Variants in FLOT2 observed in about 807,000 individuals in gnomAD.
FLOT2 encodes the protein flotillin-2.
In FLOT2, 35 loss-of-function variants were observed where a neutral mutation model predicts 54.9. The observed-to-expected ratio is 0.64, with a 90% CI of 0.49 to 0.84. The LOEUF (loss-of-function observed/expected upper bound fraction) is 0.84, where lower values mean the gene tolerates loss of function less well. FLOT2 is among the 40% of genes least tolerant of loss of function. The pLI is 0.00. For synonymous variants in FLOT2, 207 were observed against 228.9 expected, an observed-to-expected ratio of 0.90 and a Z score of 0.86; for missense variants, 464 against 572.1, an observed-to-expected ratio of 0.81 and a Z score of 1.93.
At chr17:28,891,827 G>A (rs1442005576) in intron 1 of FLOT2, among the ~76,000 whole-genome samples, 1 of 152,158 alleles carries the variant, frequency 6.6e-6, no homozygotes, top group Non-Finnish European at 1.5e-5. Context: ...GGTGGGTGGA[G>A]GCAAAGAAAT....
intron 1 of FLOT2, among the ~76,000 whole-genome samples, chr17:28,890,524 C>T (rs1454781108): frequency 2.0e-5 from 3 of 152,004 alleles, no homozygotes; most frequent in Admixed American, 6.6e-5. Flanking sequence ...ATAGCTGGGA[C>T]TACAGGTGCC....
rs1291829854 is a variant in FLOT2 at position 28,881,505 on chromosome 17, G to C, written c.915-130C>G. ...GGGGTGGGAGACATTGGAACGGAGT[G>C]GGGTGGCCTGACCTTCCGGCTCTGG... On this transcript the variant is annotated intron_variant, in intron 8 of 10. Coordinates refer to ENST00000394908, the MANE Select transcript of FLOT2 (RefSeq NM_004475.3). The C allele has an allele frequency of 1.7e-5, 17 of 990,474 alleles. No homozygotes were observed. The East Asian group carries it at 4.2e-4, about 25-fold the overall frequency. The allele number at this position is 990,474 out of a possible 1,614,324, so 61.4% of individuals were successfully genotyped here. A position where few individuals can be genotyped will look rare whatever the true frequency, so the allele number is the denominator to read the frequency against.
At chr17:28,892,356 CT>C (rs1169732012) in intron 1 of FLOT2, 24,340 of 86,688 alleles carry the variant, frequency 0.28, 3,434 homozygotes, top group African/African-American at 0.45. Context: ...GATGGCCACT[CT>C]TTTTTTTTTT....
At position 28,879,446 on chromosome 17, in the gene FLOT2, AGGCT is replaced by A. The variant is rs1473616142; in HGVS notation, c.*1111_*1114del. 10 of 987,752 alleles carry A rather than the reference AGGCT, an allele frequency of 1.0e-5. No homozygotes were observed. The highest frequency in any genetic ancestry group is 1.7e-5 in the African/African-American group (1 of 57,258). 61.2% of individuals were successfully genotyped at this position (987,752 alleles called of 1,614,324 possible). ...CATCCACATGCAGGAAGAGCTACAC[AGGCT>A]GGGGCAGGGCCAGGGTGGGGAGCTG... is the stretch of plus-strand genomic sequence containing the variant. On this transcript the variant is annotated 3_prime_UTR_variant, in exon 11 of 11. Transcript: ENST00000394908.
Position 28,884,452 on chromosome 17 carries a change from T to C in FLOT2, c.132-137A>G. 1 of 608,366 alleles carries C rather than the reference T, an allele frequency of 1.6e-6. No individual in the cohort carries two copies. The highest frequency in any genetic ancestry group is 2.9e-6 in the Non-Finnish European group (1 of 342,002). 37.7% of individuals were successfully genotyped at this position (608,366 alleles called of 1,614,324 possible). On this transcript the variant is annotated intron_variant, in intron 2 of 10. Coordinates refer to ENST00000394908, the MANE Select transcript of FLOT2 (RefSeq NM_004475.3). The surrounding 1 kb of genome is among the most constrained non-coding windows in gnomAD (Gnocchi z 5.1). Reference sequence around the variant, plus strand: ...GGGAGGACTCTCCACGGGGCTGAGATGGGAGTGTCTGAGAAGGAGGTGGGC... The same window carrying C: ...GGGAGGACTCTCCACGGGGCTGAGACGGGAGTGTCTGAGAAGGAGGTGGGC...
chr17:28,891,160 C>A (rs974627799), intron 1 of FLOT2, among the ~76,000 whole-genome samples: 12 of 152,200 alleles, frequency 7.9e-5, no homozygotes, highest in African/African-American at 2.9e-4. Flanking sequence ...GGATTACAGG[C>A]ATGAGCCGCC....
rs915315067 is a variant in FLOT2 at position 28,884,086 on chromosome 17, C to A, written c.222+139G>T. On this transcript the variant is annotated intron_variant, in intron 3 of 10. Transcript: ENST00000394908. This position sits in a 1 kb window ranked among gnomAD's most constrained non-coding sequence, Gnocchi z 5.1. ...GTTCCAGTGGCGACGACCTGACTAGCCCTCTCTTGTGGGACTTGCGGGGGC... is the reference window on the plus strand; with the variant it reads ...GTTCCAGTGGCGACGACCTGACTAGACCTCTCTTGTGGGACTTGCGGGGGC... 1.4e-5 allele frequency: 10 copies of A among 712,368 alleles called. No individual in the cohort carries two copies. The South Asian group carries it at 1.6e-4, about 11-fold the overall frequency. The allele number at this position is 712,368 out of a possible 1,614,324, so 44.1% of individuals were successfully genotyped here.
intron 1 of FLOT2, among the ~76,000 whole-genome samples, chr17:28,894,265 T>A (rs568445305): frequency 6.6e-6 from 1 of 152,118 alleles, no homozygotes; most frequent in South Asian, 2.1e-4. Context: ...GGTGGGAGGA[T>A]TGCTTGAGCC....
chr17:28,886,402 T>A (rs1294453229), intron 2 of FLOT2, among the ~76,000 whole-genome samples: 1 of 152,220 alleles, frequency 6.6e-6, no homozygotes, highest in Non-Finnish European at 1.5e-5. Flanking sequence ...TGGGGACTCC[T>A]GAGCTTTAGC....
chr17:28,890,545 C>T (rs1370596127), intron 1 of FLOT2, among the ~76,000 whole-genome samples: 1 of 152,124 alleles, frequency 6.6e-6, no homozygotes, highest in African/African-American at 2.4e-5. Context: ...CGCCACCACG[C>T]CCAGCTAATT....
At chr17:28,885,530 C>G (rs1057414138) in intron 2 of FLOT2, 2 of 711,728 alleles carry the variant, frequency 2.8e-6, no homozygotes, top group Admixed American at 4.0e-5. Context: ...GCATTTGGAG[C>G]TAATTAACAC....
At chr17:28,893,859 T>G (rs1000087723) in intron 1 of FLOT2, among the ~76,000 whole-genome samples, 2 of 152,252 alleles carry the variant, frequency 1.3e-5, no homozygotes, top group Non-Finnish European at 2.9e-5. Flanking sequence ...ATGAAACCCC[T>G]GTTACGTATC....
rs34266130 is a variant in FLOT2, at chr17:28,894,616, C to CTTT, written c.49+2907_49+2909dup. 3.1e-3 allele frequency among the ~76,000 whole-genome samples: 146 copies of CTTT among 47,424 alleles called. 10 individuals are homozygous for CTTT. The highest frequency in any genetic ancestry group is 0.01 in the African/African-American group (141 of 13,470). 31.1% of individuals were successfully genotyped at this position (47,424 alleles called of 152,430 possible). On this transcript the variant is annotated intron_variant, in intron 1 of 10. Transcript: ENST00000394908. ...TCCAGCCTGGGCAACAGAGCAAGAC[C>CTTT]TTTTTTTTTTTTTTTTTTTTTTTTT...
In FLOT2 at chr17:28,881,794, G is replaced by A. The variant is rs1307610957; in HGVS notation, c.914+20C>T. On this transcript the variant is annotated intron_variant, in intron 8 of 10. Transcript: ENST00000394908. Reference sequence around the variant, plus strand: ...AGGAGCCTGACTAAGCCCTGACCCCGGCACCTGGGCGGCTCTCACTTTTCA... The same window carrying A: ...AGGAGCCTGACTAAGCCCTGACCCCAGCACCTGGGCGGCTCTCACTTTTCA... The A allele has an allele frequency of 5.6e-6, 9 of 1,609,960 alleles. No homozygotes were observed. Among genetic ancestry groups the A allele is most frequent in the African/African-American group, 2.7e-5 (2 of 74,898 alleles).
chr17:28,891,604 A>G (rs1276001766), intron 1 of FLOT2, among the ~76,000 whole-genome samples: 1 of 152,252 alleles, frequency 6.6e-6, no homozygotes, highest in Non-Finnish European at 1.5e-5. Flanking sequence ...TATGCTGTGC[A>G]GTACAGCAGC....
Position 28,882,988 on chromosome 17 carries a change from T to C in FLOT2, c.346+120A>G. ...ACCTGAAGTTTTGAAATTAAATATT[T>C]GAGGAAAAGTGTTTTAGCTTGAAAC... On this transcript the variant is annotated intron_variant, in intron 4 of 10. Transcript: ENST00000394908. The surrounding 1 kb of genome is among the most constrained non-coding windows in gnomAD (Gnocchi z 5.6). 1 of 1,075,348 alleles carries C rather than the reference T, an allele frequency of 9.3e-7. No individual in the cohort carries two copies. The highest frequency in any genetic ancestry group is 2.5e-5 in the East Asian group (1 of 40,814). 66.6% of individuals were successfully genotyped at this position (1,075,348 alleles called of 1,614,324 possible). A position where few individuals can be genotyped will look rare whatever the true frequency, so the allele number is the denominator to read the frequency against.
intron 1 of FLOT2, among the ~76,000 whole-genome samples, chr17:28,889,939 A>G (rs2039617513): frequency 6.6e-6 from 1 of 152,164 alleles, no homozygotes; most frequent in Non-Finnish European, 1.5e-5. Context: ...CGCCTGGTCC[A>G]GCTTCCATTT....
chr17:28,883,167 A>G lies in FLOT2; in HGVS notation c.287T>C (p.Val96Ala), dbSNP rs769975014. 6.2e-7 allele frequency: 1 copy of G among 1,614,068 alleles called. No individual in the cohort carries two copies. Among genetic ancestry groups the G allele is most frequent in the South Asian group, 1.1e-5 (1 of 91,086 alleles). Residue 96 changes from valine to alanine, a missense_variant, in exon 4 of 11, where the codon GTG becomes GCG. Physicochemically the swap from Val to Ala is moderately conservative, Grantham distance 64. Coordinates refer to ENST00000394908, the MANE Select transcript of FLOT2 (RefSeq NM_004475.3). The surrounding 1 kb of genome is among the most constrained non-coding windows in gnomAD (Gnocchi z 5.0). ...VACEQFLGKN[V>A]QDIKNVVLQT... The stretch of plus-strand genomic sequence containing the variant: ...CAGGACGACGTTTTTGATGTCCTGC[A>G]CATTCTTACCCAGAAACTGCTCACA...
chr17:28,897,003 T>C lies in FLOT2; in HGVS notation c.49+523A>G, dbSNP rs770571876. Among the ~76,000 whole-genome samples the C allele has an allele frequency of 1.3e-5, 2 of 152,242 alleles. No individual in the cohort carries two copies. Among genetic ancestry groups the C allele is most frequent in the Non-Finnish European group, 2.9e-5 (2 of 68,038 alleles). ...CTGTAGAGGCCGCATCCGCGTCTCC[T>C]GGGCGGGCAGTGCCGGTAATCCCCA... On this transcript the variant is annotated intron_variant, in intron 1 of 10. Coordinates refer to ENST00000394908, the MANE Select transcript of FLOT2 (RefSeq NM_004475.3). This position sits in a 1 kb window ranked among gnomAD's most constrained non-coding sequence, Gnocchi z 4.4.
Sources: gnomAD v4.1 joint callset for allele counts (sites outside exome capture counted in the v4.1 genomes callset) on GRCh38, gnomAD v4.1.1 for gene constraint, Gnocchi (gnomAD v3.1) non-coding constraint, MANE v1.5 for transcripts, NCBI Gene and HGNC (gene_info 2026-07-23, HGNC 2026-07-21) for gene names.